Variants in CCDC178 observed in about 807,000 individuals in gnomAD.
The protein encoded by CCDC178 is coiled-coil domain containing 178, also known as coiled-coil domain-containing protein 178.
CCDC178 carries 126 observed loss-of-function variants against 117.4 expected under a neutral mutation model. The observed-to-expected ratio is 1.07, with a 90% CI of 0.93 to 1.24. The LOEUF is 1.24. CCDC178 is among the 50% of genes most tolerant of loss of function. The pLI is 0.00. For missense variants in CCDC178, 1,030 were observed against 986.9 expected, an observed-to-expected ratio of 1.04 and a Z score of -0.59; for synonymous variants, 283 against 313.4, an observed-to-expected ratio of 0.90 and a Z score of 1.02.
chr18:33,379,150 A>ATATATATTTCCATATATATAAT (rs1491476910), intron 5 of CCDC178, among the ~76,000 whole-genome samples: 3 of 114,608 alleles, frequency 2.6e-5, no homozygotes, highest in African/African-American at 6.5e-5. Flanking sequence ...ATATATATAT[A>ATATATATTTCCATATATATAAT]ATATATATAT....
chr18:33,067,889 A>T (rs1255568662), intron 21 of CCDC178, among the ~76,000 whole-genome samples: 1 of 152,002 alleles, frequency 6.6e-6, no homozygotes, highest in South Asian at 2.1e-4. Flanking sequence ...TAACAAAATT[A>T]AAAAGCCGGT....
chr18:33,073,539 C>A (rs1038589856), intron 21 of CCDC178, among the ~76,000 whole-genome samples: 14 of 149,268 alleles, frequency 9.4e-5, no homozygotes, highest in African/African-American at 3.5e-4. Context: ...ATCTATCTAT[C>A]TATCTATCTA....
At chr18:33,318,442 A>G (rs2062450738) in intron 11 of CCDC178, among the ~76,000 whole-genome samples, 1 of 152,228 alleles carries the variant, frequency 6.6e-6, no homozygotes, top group African/African-American at 2.4e-5. Flanking sequence ...TAAACTCAGG[A>G]CAAAAGGAAA....
chr18:33,423,907 T>C (rs1028005520), intron 2 of CCDC178, among the ~76,000 whole-genome samples: 17 of 152,358 alleles, frequency 1.1e-4, no homozygotes, highest in African/African-American at 3.6e-4. Context: ...TTGTAAAACC[T>C]AATACTTATC....
intron 9 of CCDC178, among the ~76,000 whole-genome samples, chr18:33,339,568 AT>A (rs1261639440): frequency 1.3e-5 from 2 of 151,820 alleles, no homozygotes; most frequent in Non-Finnish European, 2.9e-5. Flanking sequence ...AGACCTTGAT[AT>A]GTTTTGGCTG....
intron 11 of CCDC178, among the ~76,000 whole-genome samples, chr18:33,302,242 T>C (rs1021596261): frequency 1.3e-5 from 2 of 152,188 alleles, no homozygotes; most frequent in African/African-American, 2.4e-5. Context: ...ACAAAGCAGA[T>C]GTTTCTACCA....
chr18:32,988,722 T>C (rs1329044860), intron 21 of CCDC178, among the ~76,000 whole-genome samples: 1 of 151,856 alleles, frequency 6.6e-6, no homozygotes, highest in Admixed American at 6.6e-5. Flanking sequence ...CAATAAACTA[T>C]GCAAACTTCC....
chr18:33,320,403 T>C (rs1352404898), intron 11 of CCDC178, among the ~76,000 whole-genome samples: 1 of 152,118 alleles, frequency 6.6e-6, no homozygotes, highest in African/African-American at 2.4e-5. Flanking sequence ...AGTCTCAGGA[T>C]ACAAAATCAA....
Position 33,384,506 on chromosome 18 carries a change from G to A in CCDC178, c.208+5034C>T, listed in dbSNP as rs149878783. On this transcript the variant is annotated intron_variant, in intron 5 of 22. Transcript: ENST00000383096. Reference sequence around the variant, plus strand: ...CAAAGGGCAACCCATCAGACTAACCGCGTACCTCTCCATGGAAACCCTAAA... The same window carrying A: ...CAAAGGGCAACCCATCAGACTAACCACGTACCTCTCCATGGAAACCCTAAA... 2.9e-3 allele frequency among the ~76,000 whole-genome samples: 448 copies of A among 152,258 alleles called. 4 individuals are homozygous for A. Among genetic ancestry groups the A allele is most frequent in the African/African-American group, 0.01 (417 of 41,540 alleles).
At chr18:33,040,913 T>C (rs2056538203) in intron 21 of CCDC178, among the ~76,000 whole-genome samples, 1 of 151,910 alleles carries the variant, frequency 6.6e-6, no homozygotes, top group Non-Finnish European at 1.5e-5. Context: ...GTATATGCAA[T>C]TGTAGGTCTA....
chr18:33,341,501 G>A (rs968778516), intron 9 of CCDC178, among the ~76,000 whole-genome samples: 1 of 152,172 alleles, frequency 6.6e-6, no homozygotes, highest in African/African-American at 2.4e-5. Flanking sequence ...TAGTTTGGCT[G>A]TGTCTCCATT....
chr18:33,324,098 CT>C (rs1953754647), intron 10 of CCDC178, among the ~76,000 whole-genome samples: 1 of 151,770 alleles, frequency 6.6e-6, no homozygotes, highest in African/African-American at 2.4e-5. Flanking sequence ...AGTTTTTACT[CT>C]TTTTACTAAT....
At chr18:33,054,586 G>C (rs956146536) in intron 21 of CCDC178, among the ~76,000 whole-genome samples, 3 of 152,118 alleles carry the variant, frequency 2.0e-5, no homozygotes, top group Admixed American at 2.0e-4. Flanking sequence ...CCATGTCCCT[G>C]CAAAAGACAT....
At chr18:33,351,946 G>C (rs2062985189) in intron 7 of CCDC178, among the ~76,000 whole-genome samples, 1 of 152,188 alleles carries the variant, frequency 6.6e-6, no homozygotes, top group Non-Finnish European at 1.5e-5. Flanking sequence ...GGATGACTTA[G>C]AAATTATTCT....
At chr18:33,067,896 CGG>C (rs1882133640) in intron 21 of CCDC178, among the ~76,000 whole-genome samples, 1 of 150,954 alleles carries the variant, frequency 6.6e-6, no homozygotes, top group South Asian at 2.1e-4. Flanking sequence ...ATTAAAAAGC[CGG>C]TGTTTGAAGA....
intron 21 of CCDC178, among the ~76,000 whole-genome samples, chr18:33,086,465 AAG>A (rs941094324): frequency 2.3e-4 from 34 of 147,940 alleles, no homozygotes; most frequent in Admixed American, 2.7e-4. Flanking sequence ...TATAGCGAGA[AAG>A]AGAGAGAGAG....
At chr18:33,186,596 T>C (rs1375825808) in intron 20 of CCDC178, among the ~76,000 whole-genome samples, 1 of 152,088 alleles carries the variant, frequency 6.6e-6, no homozygotes, top group African/African-American at 2.4e-5. Flanking sequence ...AGAGAAACTC[T>C]CCTCCCTGAG....
intron 11 of CCDC178, among the ~76,000 whole-genome samples, chr18:33,320,279 A>G (rs957955272): frequency 1.3e-5 from 2 of 152,216 alleles, no homozygotes; most frequent in African/African-American, 2.4e-5. Context: ...AGTGTATTCA[A>G]TTAGGAAAAG....
chr18:33,423,875 T>C (rs1251802909), intron 2 of CCDC178, among the ~76,000 whole-genome samples: 5 of 152,228 alleles, frequency 3.3e-5, no homozygotes, highest in Admixed American at 2.0e-4. Flanking sequence ...TCAAAGTCAA[T>C]GATGGTAAGT....
Sources: gnomAD v4.1 joint callset for allele counts (sites outside exome capture counted in the v4.1 genomes callset) on GRCh38, gnomAD v4.1.1 for gene constraint, MANE v1.5 for transcripts, NCBI Gene and HGNC (gene_info 2026-07-23, HGNC 2026-07-21) for gene names.